JPT1: variants seen among roughly 807,000 people sequenced by gnomAD.
JPT1 encodes the protein Jupiter microtubule associated homolog 1.
Under a neutral mutation model 17.0 loss-of-function variants are expected in JPT1, and 5 were observed. The ratio of observed to expected loss-of-function variants is 0.29; its 90% CI spans 0.15 to 0.62. JPT1 has a LOEUF of 0.62. Among genes scored for constraint, JPT1 ranks in the 20% least tolerant of loss-of-function variants. The pLI, the probability that JPT1 is intolerant of heterozygous loss-of-function variation, is 0.85. For synonymous variants in JPT1, 71 were observed against 73.6 expected (o/e 0.96, Z 0.18); for missense variants, 158 against 188.1 (o/e 0.84, Z 0.94).
chr17:75,142,600 AGGGGAAGGGGGAGAGAGGAG>A (rs2074339048), intron 4 of JPT1, among the ~76,000 whole-genome samples: 1 of 19,780 alleles, frequency 5.1e-5, no homozygotes, highest in Non-Finnish European at 9.7e-5. Flanking sequence ...GGAGGGAGGG[AGGGGAAGGGGGAGAGAGGAG>A]GGGAGGGAGG....
At chr17:75,142,027 C>A (rs2074321829) in intron 4 of JPT1, among the ~76,000 whole-genome samples, 1 of 152,074 alleles carries the variant, frequency 6.6e-6, no homozygotes, top group African/African-American at 2.4e-5. Context: ...TGAGATCATA[C>A]CACTGCACTC....
At position 75,148,776 on chromosome 17, in the gene JPT1, C is replaced by T. The variant is rs1307326962; in HGVS notation, c.57-105G>A. On this transcript the variant is annotated intron_variant, in intron 1 of 4. Coordinates refer to ENST00000409753, the MANE Select transcript of JPT1 (RefSeq NM_016185.4). ...TCACTTTCCTCACCCATTCATCTCC[C>T]TCACCCCTACAACAGATAGCTGCTA... The T allele has an allele frequency of 3.1e-6, 4 of 1,296,140 alleles. No homozygotes were observed. The Admixed American group carries it at 8.7e-5, about 28-fold the overall frequency. The allele number at this position is 1,296,140 out of a possible 1,614,324, so 80.3% of individuals were successfully genotyped here.
chr17:75,138,541 G>A (rs2074251090), intron 4 of JPT1: 1 of 151,708 alleles, frequency 6.6e-6, no homozygotes, highest in Non-Finnish European at 1.5e-5. Flanking sequence ...CCCAATAGCT[G>A]GGGTTATAGG....
chr17:75,145,462 C>A (rs1341679789), intron 4 of JPT1: 1 of 152,164 alleles, frequency 6.6e-6, no homozygotes, highest in Non-Finnish European at 1.5e-5. Flanking sequence ...ATAATTAAGT[C>A]AATGATTACA....
chr17:75,142,993 C>T (rs2074356754), intron 4 of JPT1, among the ~76,000 whole-genome samples: 2 of 152,134 alleles, frequency 1.3e-5, no homozygotes, highest in African/African-American at 4.8e-5. Flanking sequence ...AGGAGCAGCC[C>T]TCAGGAAACA....
chr17:75,151,650 A>G (rs1292858730), intron 1 of JPT1, among the ~76,000 whole-genome samples: 1 of 151,230 alleles, frequency 6.6e-6, no homozygotes, highest in African/African-American at 2.4e-5. Flanking sequence ...CAACACAGTG[A>G]GACTGTCTCA....
At chr17:75,143,718 C>T (rs1162117790) in intron 4 of JPT1, among the ~76,000 whole-genome samples, 1 of 152,080 alleles carries the variant, frequency 6.6e-6, no homozygotes, top group Non-Finnish European at 1.5e-5. Flanking sequence ...TGCCTGTAAT[C>T]TCAGCTACTC....
At chr17:75,143,958 G>C (rs779038759) in intron 4 of JPT1, among the ~76,000 whole-genome samples, 2 of 152,162 alleles carry the variant, frequency 1.3e-5, no homozygotes, top group Non-Finnish European at 2.9e-5. Context: ...AGGAGGTTGA[G>C]GCTATAGTGA....
intron 4 of JPT1, chr17:75,142,629 G>T: frequency 3.6e-6 from 1 of 281,338 alleles, no homozygotes; most frequent in Admixed American, 4.1e-5. Context: ...AGGGGAGGGA[G>T]GGGAGGGAGG....
chr17:75,145,596 A>G (rs2074412264), intron 4 of JPT1: 2 of 152,218 alleles, frequency 1.3e-5, no homozygotes, highest in African/African-American at 2.4e-5. Flanking sequence ...GCATCTCCCT[A>G]TAAAAACAAA....
At chr17:75,140,807 A>G (rs1481679271) in intron 4 of JPT1, among the ~76,000 whole-genome samples, 1 of 151,892 alleles carries the variant, frequency 6.6e-6, no homozygotes, top group Non-Finnish European at 1.5e-5. Flanking sequence ...AACTACAAAA[A>G]TTGGCCAAGC....
chr17:75,138,993 G>T (rs866261814), intron 4 of JPT1, among the ~76,000 whole-genome samples: 43 of 152,056 alleles, frequency 2.8e-4, no homozygotes, highest in African/African-American at 9.9e-4. Context: ...TCACAATTAT[G>T]AACTAAAACT....
At position 75,146,669 on chromosome 17, in the gene JPT1, G is replaced by A. The variant is rs62620707; in HGVS notation, c.313C>T (p.His105Tyr). Residue 105 changes from histidine (H) to tyrosine (Y), a missense_variant, in exon 4 of 5, where the codon CAT becomes TAT. Physicochemically the swap from His to Tyr is moderately conservative, Grantham distance 83. Coordinates refer to ENST00000409753, the MANE Select transcript of JPT1 (RefSeq NM_016185.4). ...TTTGGTCTTCAGAAGTACTTACCAT[G>A]AATATCACCTTCTCCCTAGAAAAGA... ...FLDLKGEGDI[H>Y]ENVDTDLPGS... is the part of the protein sequence containing the mutation. The A allele has an allele frequency of 0.026, 39,304 of 1,538,430 alleles. 644 individuals carry two copies. Among genetic ancestry groups the A allele is most frequent in the Non-Finnish European group, 0.028 (32,028 of 1,133,584 alleles).
intron 4 of JPT1, among the ~76,000 whole-genome samples, chr17:75,140,063 G>A (rs1397274996): frequency 1.3e-5 from 2 of 151,960 alleles, no homozygotes; most frequent in African/African-American, 4.8e-5. Context: ...GATTACAGGC[G>A]CGTGCCACCA....
chr17:75,136,282 T>G (rs567164659), intron 4 of JPT1, 32 bp from the exon 5 acceptor site: 2 of 1,521,708 alleles, frequency 1.3e-6, no homozygotes, highest in South Asian at 1.3e-5. Context: ...ATAATACTCA[T>G]AATGACAGCC....
At chr17:75,146,734 C>T (rs760548010) in intron 3 of JPT1, 50 bp from the exon 4 acceptor site, 1 of 1,142,586 alleles carries the variant, frequency 8.8e-7, no homozygotes, top group Non-Finnish European at 1.3e-6. Context: ...AATTTTGGAA[C>T]ACGCAAAACA....
intron 4 of JPT1, among the ~76,000 whole-genome samples, chr17:75,143,817 CAG>C (rs1229088126): frequency 6.6e-5 from 10 of 151,048 alleles, no homozygotes; most frequent in African/African-American, 2.0e-4. Context: ...GCCTGGGTGA[CAG>C]AGAGTGAGAC....
intron 4 of JPT1, among the ~76,000 whole-genome samples, chr17:75,139,250 A>G (rs1370316149): frequency 2.6e-5 from 4 of 152,194 alleles, no homozygotes; most frequent in Non-Finnish European, 5.9e-5. Flanking sequence ...CCTGCTATAC[A>G]TACAGGATCT....
At chr17:75,154,134 G>C (rs1471572021) in intron 1 of JPT1, 1 of 268,830 alleles carries the variant, frequency 3.7e-6, no homozygotes, top group Non-Finnish European at 6.8e-6. Context: ...GGAATGAATG[G>C]AGAGCAGCAG....
Sources: gnomAD v4.1 joint callset for allele counts (sites outside exome capture counted in the v4.1 genomes callset) on GRCh38, gnomAD v4.1.1 for gene constraint, MANE v1.5 for transcripts, NCBI Gene and HGNC (gene_info 2026-07-23, HGNC 2026-07-21) for gene names.